Variants in SLC9A9 observed in about 807,000 individuals in gnomAD.
SLC9A9 encodes the protein solute carrier family 9 member A9, also known as sodium/hydrogen exchanger 9.
SLC9A9 carries 62 observed loss-of-function variants against 77.8 expected under a neutral mutation model. The observed-to-expected ratio is 0.80, with a 90% CI of 0.65 to 0.98. The LOEUF (loss-of-function observed/expected upper bound fraction) is 0.98, where lower values mean the gene tolerates loss of function less well. Among genes scored for constraint, SLC9A9 ranks in the 50% least tolerant of loss-of-function variants. The pLI is 0.00. For synonymous variants in SLC9A9, 320 were observed against 283.5 expected (o/e 1.13, Z -1.29); for missense variants, 775 against 774.9 (o/e 1.00, Z 0.00).
chr3:143,691,043 T>A (rs1348256945), intron 5 of SLC9A9, among the ~76,000 whole-genome samples: 1 of 152,108 alleles, frequency 6.6e-6, no homozygotes, highest in Non-Finnish European at 1.5e-5. Context: ...TGCATATGAA[T>A]CTCTTGAGGA....
chr3:143,747,623 T>C (rs1422507437), intron 4 of SLC9A9, among the ~76,000 whole-genome samples: 1 of 151,830 alleles, frequency 6.6e-6, no homozygotes, highest in Non-Finnish European at 1.5e-5. Context: ...AAGACTAGAG[T>C]AATGCAGTCA....
At chr3:143,366,901 G>C (rs547336865) in intron 13 of SLC9A9, among the ~76,000 whole-genome samples, 1 of 152,308 alleles carries the variant, frequency 6.6e-6, no homozygotes, top group South Asian at 2.1e-4. Context: ...CCTGCAGGCT[G>C]AGATACAGCA....
chr3:143,600,093 A>G (rs983202910), intron 6 of SLC9A9, among the ~76,000 whole-genome samples: 44 of 152,046 alleles, frequency 2.9e-4, no homozygotes, highest in African/African-American at 1.0e-3. Context: ...GGTTTGTTAC[A>G]TAGGCATACA....
At chr3:143,278,267 A>G (rs1435504856) in intron 14 of SLC9A9, among the ~76,000 whole-genome samples, 1 of 152,168 alleles carries the variant, frequency 6.6e-6, no homozygotes, top group Non-Finnish European at 1.5e-5. Flanking sequence ...GGGGAGGAAG[A>G]CGGCAAACAC....
chr3:143,612,209 G>T lies in SLC9A9; in HGVS notation c.756-33486C>A, dbSNP rs149490381. 5.1e-4 allele frequency among the ~76,000 whole-genome samples: 78 copies of T among 152,342 alleles called. No homozygotes were observed. The South Asian group carries it at 0.014, about 28-fold the overall frequency. On this transcript the variant is annotated intron_variant, in intron 6 of 15. Coordinates refer to ENST00000316549, the MANE Select transcript of SLC9A9 (RefSeq NM_173653.4). Reference sequence around the variant, plus strand: ...CAGTGATTGCCATTGTCAGTGTCAAGTTTGAAGAGAAATAGATGTCACTAC... The same window carrying T: ...CAGTGATTGCCATTGTCAGTGTCAATTTTGAAGAGAAATAGATGTCACTAC...
At chr3:143,272,162 A>T (rs1191408105) in intron 14 of SLC9A9, among the ~76,000 whole-genome samples, 1 of 152,132 alleles carries the variant, frequency 6.6e-6, no homozygotes, top group Non-Finnish European at 1.5e-5. Context: ...AAATAAGGTG[A>T]TTTAAAAAAC....
chr3:143,363,342 T>C, intron 14 of SLC9A9, 142 bp downstream of exon 14: 1 of 776,214 alleles, frequency 1.3e-6, no homozygotes, highest in South Asian at 1.5e-5. Flanking sequence ...ATGAAATCAT[T>C]CCTTTTTATA....
intron 8 of SLC9A9, among the ~76,000 whole-genome samples, chr3:143,562,848 A>G (rs1411603281): frequency 6.6e-6 from 1 of 151,908 alleles, no homozygotes; most frequent in African/African-American, 2.4e-5. Context: ...AACTACATAC[A>G]TCTGGGTCCA....
intron 4 of SLC9A9, among the ~76,000 whole-genome samples, chr3:143,771,700 A>C (rs1350288419): frequency 6.6e-6 from 1 of 152,210 alleles, no homozygotes; most frequent in Admixed American, 6.5e-5. Flanking sequence ...TTAATAAGAC[A>C]TGATTTCCTC....
rs771290612 is a variant in SLC9A9, at chr3:143,467,024, C to T, written c.1469+13G>A. The T allele has an allele frequency of 1.6e-5, 26 of 1,612,244 alleles. No individual in the cohort carries two copies. Among genetic ancestry groups the T allele is most frequent in the South Asian group, 1.1e-4 (10 of 90,652 alleles). On this transcript the variant is annotated intron_variant, in intron 12 of 15. Coordinates refer to ENST00000316549, the MANE Select transcript of SLC9A9 (RefSeq NM_173653.4). ...CCTCATAATGATTTCCTTTGCTAGACGGTGTCACTCACCTGATCTGAAGCC... is the reference window on the plus strand; with the variant it reads ...CCTCATAATGATTTCCTTTGCTAGATGGTGTCACTCACCTGATCTGAAGCC...
chr3:143,533,150 G>A (rs1271610960), intron 9 of SLC9A9, among the ~76,000 whole-genome samples: 11 of 152,204 alleles, frequency 7.2e-5, no homozygotes, highest in Non-Finnish European at 1.6e-4. Context: ...TACATGTGCT[G>A]GGCACATTTC....
intron 4 of SLC9A9, among the ~76,000 whole-genome samples, chr3:143,743,478 C>T (rs60468477): frequency 6.6e-6 from 1 of 152,100 alleles, no homozygotes; most frequent in East Asian, 1.9e-4. Context: ...GTAAGTCCTG[C>T]AGTCCAAGGG....
chr3:143,268,832 A>T lies in SLC9A9; in HGVS notation c.1710+43T>A, dbSNP rs995488197. ...CATCGATATTCACCAAGTCTGTCCC[A>T]CAAGGGATATTCCCTCACCCTAGAG... On this transcript the variant is annotated intron_variant, in intron 15 of 15. Coordinates refer to ENST00000316549, the MANE Select transcript of SLC9A9 (RefSeq NM_173653.4). The T allele has an allele frequency of 4.0e-6, 6 of 1,492,270 alleles. No homozygotes were observed. The African/African-American group carries it at 8.4e-5, about 21-fold the overall frequency. 92.4% of individuals were successfully genotyped at this position (1,492,270 alleles called of 1,614,324 possible). A position where few individuals can be genotyped will look rare whatever the true frequency, so the allele number is the denominator to read the frequency against.
intron 12 of SLC9A9, among the ~76,000 whole-genome samples, chr3:143,451,823 G>T (rs1025978115): frequency 6.6e-6 from 1 of 151,992 alleles, no homozygotes; most frequent in Admixed American, 6.6e-5. Flanking sequence ...GTAACGCAAA[G>T]GCAAATTTGA....
rs181238472 is a variant in SLC9A9 at position 143,399,336 on chromosome 3, A to G, written c.1470-17222T>C. ...TTTTCTCTGGTCAAATCTGTTATTC[A>G]CCATTGGGCTGAAGTGCATGCTTGC... On this transcript the variant is annotated intron_variant, in intron 12 of 15. Transcript: ENST00000316549. Among the ~76,000 whole-genome samples the G allele has an allele frequency of 1.6e-4, 24 of 152,298 alleles. No homozygotes were observed. The East Asian group carries it at 4.0e-3, about 26-fold the overall frequency.
intron 4 of SLC9A9, among the ~76,000 whole-genome samples, chr3:143,712,394 T>A (rs1934222160): frequency 6.6e-6 from 1 of 152,222 alleles, no homozygotes; most frequent in Non-Finnish European, 1.5e-5. Context: ...TTAAGCTATA[T>A]AATAGACTGT....
intron 6 of SLC9A9, among the ~76,000 whole-genome samples, chr3:143,616,886 A>G (rs892930654): frequency 5.3e-5 from 8 of 152,270 alleles, no homozygotes; most frequent in Middle Eastern, 3.4e-3. Context: ...ATTTTTGCTC[A>G]ATAAATTAGA....
chr3:143,526,038 C>T (rs993275650), intron 9 of SLC9A9, among the ~76,000 whole-genome samples: 3 of 152,200 alleles, frequency 2.0e-5, no homozygotes, highest in Non-Finnish European at 4.4e-5. Context: ...CTCTGTTTTA[C>T]ATCTATGAAT....
chr3:143,557,117 C>T (rs528035033), intron 8 of SLC9A9, among the ~76,000 whole-genome samples: 1 of 152,192 alleles, frequency 6.6e-6, no homozygotes. Context: ...GTAGTTTCCC[C>T]CATGCTGTTC....
Sources: gnomAD v4.1 joint callset for allele counts (sites outside exome capture counted in the v4.1 genomes callset) on GRCh38, gnomAD v4.1.1 for gene constraint, MANE v1.5 for transcripts, NCBI Gene and HGNC (gene_info 2026-07-23, HGNC 2026-07-21) for gene names.